Variants in POM121C observed in about 807,000 individuals in gnomAD.
The protein encoded by POM121C is POM121 transmembrane nucleoporin C.
Under a neutral mutation model 66.4 loss-of-function variants are expected in POM121C, and 20 were observed. The ratio of observed to expected loss-of-function variants is 0.30; its 90% CI spans 0.21 to 0.44. POM121C has a LOEUF of 0.44. Ranked by LOEUF, POM121C falls within the 20% of genes least tolerant of loss-of-function variation. POM121C has a pLI of 1.00. For synonymous variants in POM121C, 286 were observed against 528.0 expected, an observed-to-expected ratio of 0.54 and a Z score of 6.28; for missense variants, 580 against 1,225.7, an observed-to-expected ratio of 0.47 and a Z score of 7.87.
chr7:75,419,538 G>A (rs1198855291), intron 13 of POM121C, 96 bp from the exon 14 acceptor site: 12 of 1,428,082 alleles, frequency 8.4e-6, no homozygotes, highest in East Asian at 7.7e-5. Context: ...CACTTCCCAC[G>A]GGACCCTCAG....
chr7:75,433,759 G>C (rs1212869748), intron 7 of POM121C, among the ~76,000 whole-genome samples: 1 of 152,114 alleles, frequency 6.6e-6, no homozygotes, highest in Non-Finnish European at 1.5e-5. Flanking sequence ...TACGTCTTCA[G>C]TTGCCTTATT....
chr7:75,481,048 A>ATATAT (rs1792291063), intron 1 of POM121C, among the ~76,000 whole-genome samples: 1 of 128,080 alleles, frequency 7.8e-6, no homozygotes, highest in Non-Finnish European at 1.7e-5. Context: ...TATATATATA[A>ATATAT]ATATATATAT....
chr7:75,451,400 C>A (rs1554475542), intron 3 of POM121C, among the ~76,000 whole-genome samples: 1 of 128,148 alleles, frequency 7.8e-6, no homozygotes, highest in African/African-American at 3.0e-5. Flanking sequence ...CTTCGACAAA[C>A]CTGACAAAAA....
At chr7:75,460,807 A>G (rs2599309) in intron 3 of POM121C, among the ~76,000 whole-genome samples, 2,299 of 152,104 alleles carry the variant, frequency 0.015, 35 homozygotes, top group East Asian at 0.045. Context: ...CTCCAAAACC[A>G]TGGGTTCTGC....
chr7:75,472,706 T>C (rs1791921993), intron 3 of POM121C, among the ~76,000 whole-genome samples: 1 of 151,966 alleles, frequency 6.6e-6, no homozygotes, highest in Non-Finnish European at 1.5e-5. Flanking sequence ...TTTGGGAGGC[T>C]GAGGCAGGAG....
At chr7:75,448,191 T>G (rs1404793088) in intron 3 of POM121C, among the ~76,000 whole-genome samples, 1 of 151,882 alleles carries the variant, frequency 6.6e-6, no homozygotes, top group East Asian at 1.9e-4. Context: ...GAGCCATAAT[T>G]GTGCCACTGC....
At chr7:75,460,677 A>G (rs587767133) in intron 3 of POM121C, among the ~76,000 whole-genome samples, 1,771 of 152,154 alleles carry the variant, frequency 0.012, 41 homozygotes, top group African/African-American at 0.04. Flanking sequence ...AACAATGAAG[A>G]GAGAGGCTGC....
chr7:75,428,463 G>T (rs1225342560), intron 7 of POM121C, among the ~76,000 whole-genome samples: 1 of 152,210 alleles, frequency 6.6e-6, no homozygotes, highest in African/African-American at 2.4e-5. Context: ...AAAGCACATA[G>T]ATGGCCAAGT....
At chr7:75,437,372 T>A (rs1224544333) in intron 7 of POM121C, 143 bp downstream of exon 7, 3 of 1,221,994 alleles carry the variant, frequency 2.5e-6, no homozygotes. Context: ...CAGGCTGGTT[T>A]TGAACTCCTG....
chr7:75,453,048 A>G (rs1234926383), intron 3 of POM121C, among the ~76,000 whole-genome samples: 3 of 152,174 alleles, frequency 2.0e-5, no homozygotes, highest in African/African-American at 7.2e-5. Flanking sequence ...CACCAACTGT[A>G]TGACACCCAC....
Position 75,439,325 on chromosome 7 carries a change from G to A in POM121C, c.228-101C>T, listed in dbSNP as rs587639281. The A allele has an allele frequency of 7.8e-4, 1,163 of 1,486,782 alleles. 23 individuals carry two copies. The South Asian group carries it at 0.013, about 16-fold the overall frequency. 92.1% of individuals were successfully genotyped at this position (1,486,782 alleles called of 1,614,324 possible). ...TGGGACCTTATACTATCTCTATGGA[G>A]CACAGATTCCATGCTAGACCAGAAA... On this transcript the variant is annotated intron_variant, in intron 5 of 14. Transcript: ENST00000615331.
At chr7:75,472,543 AG>A (rs1392727389) in intron 3 of POM121C, among the ~76,000 whole-genome samples, 1 of 152,070 alleles carries the variant, frequency 6.6e-6, no homozygotes, top group Non-Finnish European at 1.5e-5. Context: ...ACAGTGGCTC[AG>A]GCCTGTAATC....
At chr7:75,431,856 G>T (rs1790197155) in intron 7 of POM121C, among the ~76,000 whole-genome samples, 1 of 152,030 alleles carries the variant, frequency 6.6e-6, no homozygotes, top group African/African-American at 2.4e-5. Context: ...GGAGGCTGAG[G>T]CATGAGAATC....
intron 3 of POM121C, among the ~76,000 whole-genome samples, chr7:75,453,030 C>T (rs587620804): frequency 6.6e-6 from 1 of 152,080 alleles, no homozygotes; most frequent in East Asian, 1.9e-4. Context: ...TGCTTCCAGG[C>T]GCACAGACAC....
intron 1 of POM121C, among the ~76,000 whole-genome samples, chr7:75,479,271 G>A (rs1298038981): frequency 2.0e-5 from 3 of 152,180 alleles, no homozygotes; most frequent in African/African-American, 7.2e-5. Context: ...AAGGAATGAA[G>A]AGTACCAGAA....
intron 3 of POM121C, among the ~76,000 whole-genome samples, chr7:75,448,044 C>A (rs587711424): frequency 3.4e-5 from 5 of 147,010 alleles, no homozygotes; most frequent in Admixed American, 6.8e-5. Flanking sequence ...AAAAAACCAA[C>A]CAAACAAACA....
In POM121C at chr7:75,418,886, C is replaced by A. The variant is rs782300846; in HGVS notation, c.2874G>T (p.Ala958=). The A allele has an allele frequency of 1.9e-6, 3 of 1,610,446 alleles. No homozygotes were observed. In the African/African-American group the frequency reaches 4.0e-5, roughly 22 times the overall value. ...GFVGVGPFGS[A]APSFSIGAGS... ...CCGCACCAATGGAAAATGAAGGGGC[C>A]GCCGATCCTGGAAAGATTCAACAAG... The change falls in exon 15 of 15, where the codon GCG becomes GCT. Residue 958 remains alanine (A), a synonymous_variant. Coordinates refer to ENST00000615331, the MANE Select transcript of POM121C (RefSeq NM_001099415.3).
Position 75,418,446 on chromosome 7 carries a change from C to T in POM121C, c.*350G>A, listed in dbSNP as rs1438810377. The T allele has an allele frequency of 4.2e-5, 44 of 1,045,554 alleles. No homozygotes were observed. In the African/African-American group the frequency reaches 5.4e-4, roughly 13 times the overall value. 64.8% of individuals were successfully genotyped at this position (1,045,554 alleles called of 1,614,324 possible). On this transcript the variant is annotated 3_prime_UTR_variant, in exon 15 of 15. Coordinates refer to ENST00000615331, the MANE Select transcript of POM121C (RefSeq NM_001099415.3). ...GGCTGGACCCTGCCCCCTCCAGCGA[C>T]GACGGCTCTCGGGGAAAGGTGGAAG...
chr7:75,442,694 C>G, intron 3 of POM121C: 2 of 1,403,654 alleles, frequency 1.4e-6, no homozygotes, highest in Non-Finnish European at 9.2e-7. Flanking sequence ...CTCGCCTGCT[C>G]CAGCCGCCGC....
Sources: allele counts gnomAD v4.1 joint callset (sites outside exome capture counted in the v4.1 genomes callset), GRCh38; gene constraint gnomAD v4.1.1; transcripts MANE v1.5; gene names NCBI Gene and HGNC (gene_info 2026-07-23, HGNC 2026-07-21).